The following SDC2 variants were observed in gnomAD, a reference collection of about 807,000 sequenced individuals.
SDC2 encodes the protein syndecan-2.
In SDC2, 13 loss-of-function variants were observed where a neutral mutation model predicts 22.2. The ratio of observed to expected loss-of-function variants is 0.59; its 90% confidence interval spans 0.38 to 0.93. The LOEUF (loss-of-function observed/expected upper bound fraction) is 0.93. SDC2 is among the 40% of genes least tolerant of loss of function. The pLI, the probability that SDC2 is intolerant of heterozygous loss-of-function variation, is 0.00. For missense variants in SDC2, 235 were observed against 246.8 expected (o/e 0.95, Z 0.32); for synonymous variants, 94 against 92.8 (o/e 1.01, Z -0.07).
At chr8:96,522,805 A>G (rs2439523) in intron 1 of SDC2, among the ~76,000 whole-genome samples, 128,132 of 152,246 alleles carry the variant, frequency 0.84, 55,361 homozygotes, top group African/African-American at 0.94. Flanking sequence ...TAAGGTGTAA[A>G]ATAAATCTGG....
intron 1 of SDC2, chr8:96,580,362 A>C (rs1814570075): frequency 1.0e-6 from 1 of 984,924 alleles, no homozygotes; most frequent in Admixed American, 6.1e-5. Flanking sequence ...TTTGTTCCAG[A>C]GCATTTGCCA....
Position 96,535,745 on chromosome 8 carries a change from C to T in SDC2, c.60+41414C>T, listed in dbSNP as rs148591092. On this transcript the variant is annotated intron_variant, in intron 1 of 4. Transcript: ENST00000302190. Reference sequence around the variant, plus strand: ...TTATATCCACATGCTATTCCACCTCCGTTCAAAACTTAGAAAAATATTGTC... The same window carrying T: ...TTATATCCACATGCTATTCCACCTCTGTTCAAAACTTAGAAAAATATTGTC... Among the ~76,000 whole-genome samples the T allele has an allele frequency of 3.9e-5, 6 of 152,288 alleles. No individual in the cohort carries two copies. In the East Asian group the frequency reaches 7.7e-4, roughly 20 times the overall value.
intron 2 of SDC2, among the ~76,000 whole-genome samples, chr8:96,598,460 A>T (rs1371775395): frequency 2.0e-5 from 3 of 152,110 alleles, no homozygotes; most frequent in Non-Finnish European, 4.4e-5. Context: ...TCTAATAAAA[A>T]TACAAAAATC....
intron 1 of SDC2, among the ~76,000 whole-genome samples, chr8:96,531,595 G>A (rs897938157): frequency 6.6e-6 from 1 of 152,128 alleles, no homozygotes; most frequent in East Asian, 1.9e-4. Flanking sequence ...AAATAAAAGA[G>A]AGAAAAGTAA....
At chr8:96,593,662 A>T in intron 2 of SDC2, 71 bp downstream of exon 2, 2 of 994,222 alleles carry the variant, frequency 2.0e-6, no homozygotes, top group Non-Finnish European at 3.2e-6. Context: ...TACTGTGCTT[A>T]CTTCAAGGAG....
At chr8:96,598,865 A>G (rs1436658313) in intron 2 of SDC2, among the ~76,000 whole-genome samples, 4 of 152,096 alleles carry the variant, frequency 2.6e-5, no homozygotes, top group Admixed American at 2.6e-4. Context: ...TGGTTTGAGC[A>G]AAAGAGTTAA....
chr8:96,608,476 T>G lies in SDC2; in HGVS notation c.442+6T>G, dbSNP rs961561399. ...ACGGACAGAAGTCCTAGCAGGTGAG[T>G]AGCCTGGTGGGCCTCAGGTGGGAGG... On this transcript the variant is annotated splice_donor_region_variant and intron_variant, in intron 4 of 4. Transcript: ENST00000302190. The G allele has an allele frequency of 1.6e-5, 26 of 1,608,498 alleles. No homozygotes were observed. The highest frequency in any genetic ancestry group is 2.2e-5 in the Non-Finnish European group (26 of 1,177,412).
At chr8:96,545,914 C>T (rs980148942) in intron 1 of SDC2, among the ~76,000 whole-genome samples, 3 of 152,200 alleles carry the variant, frequency 2.0e-5, no homozygotes, top group Admixed American at 1.3e-4. Flanking sequence ...GATGGGGACA[C>T]TAGAACTCTA....
At chr8:96,580,648 A>G (rs1452920558) in intron 1 of SDC2, 1 of 402,634 alleles carries the variant, frequency 2.5e-6, no homozygotes, top group Non-Finnish European at 3.4e-6. Flanking sequence ...GACAGGGCCC[A>G]AGCAAGAGAC....
At chr8:96,511,559 G>C (rs1218077555) in intron 1 of SDC2, among the ~76,000 whole-genome samples, 1 of 152,220 alleles carries the variant, frequency 6.6e-6, no homozygotes, top group Non-Finnish European at 1.5e-5. Flanking sequence ...AGGTAGAACA[G>C]CTGTTTTGGC....
rs961135812 is a variant in SDC2, at chr8:96,606,001, G to A, written c.307-2334G>A. Among the ~76,000 whole-genome samples, 4 of 152,276 alleles carry A rather than the reference G, an allele frequency of 2.6e-5. No individual in the cohort carries two copies. In the East Asian group the frequency reaches 7.7e-4, roughly 29 times the overall value. ...AGGCCGCCATTTTGGATGAACTCTA[G>A]CCTTCAGAAAGCAATCATTTGCTTT... On this transcript the variant is annotated intron_variant, in intron 3 of 4. Coordinates refer to ENST00000302190, the MANE Select transcript of SDC2 (RefSeq NM_002998.4).
chr8:96,596,282 AC>A (rs938551811), intron 2 of SDC2, among the ~76,000 whole-genome samples: 1 of 152,102 alleles, frequency 6.6e-6, no homozygotes, highest in Non-Finnish European at 1.5e-5. Context: ...TTCTAGAATT[AC>A]CCAGTTCCAG....
intron 1 of SDC2, among the ~76,000 whole-genome samples, chr8:96,540,364 G>T (rs1331782350): frequency 3.0e-5 from 2 of 66,496 alleles, no homozygotes; most frequent in Non-Finnish European, 8.7e-5. Context: ...ATAAAAATTA[G>T]TCGGGTGTGG....
intron 2 of SDC2, among the ~76,000 whole-genome samples, chr8:96,598,940 CTTTTTTT>C (rs567223016): frequency 7.8e-6 from 1 of 127,466 alleles, no homozygotes; most frequent in Non-Finnish European, 1.6e-5. Flanking sequence ...CTGTCTCTAT[CTTTTTTT>C]TTTTTTTTTT....
intron 1 of SDC2, chr8:96,580,620 C>T: frequency 2.8e-6 from 2 of 725,952 alleles, no homozygotes; most frequent in Non-Finnish European, 3.4e-6. Context: ...ACATTGGTCC[C>T]ATCCTCACAG....
chr8:96,529,007 C>T (rs908080854), intron 1 of SDC2, among the ~76,000 whole-genome samples: 1 of 152,220 alleles, frequency 6.6e-6, no homozygotes, highest in Non-Finnish European at 1.5e-5. Flanking sequence ...TGAGATGCCC[C>T]GGCACAGCTG....
chr8:96,536,944 A>G (rs1813764140), intron 1 of SDC2, among the ~76,000 whole-genome samples: 1 of 152,196 alleles, frequency 6.6e-6, no homozygotes, highest in Non-Finnish European at 1.5e-5. Flanking sequence ...CCCATTGAGG[A>G]GTTTTACATC....
At chr8:96,542,207 G>A (rs1230487328) in intron 1 of SDC2, among the ~76,000 whole-genome samples, 1 of 152,182 alleles carries the variant, frequency 6.6e-6, no homozygotes, top group Non-Finnish European at 1.5e-5. Flanking sequence ...GCTTTAACTG[G>A]TTTGTCTTCT....
intron 1 of SDC2, among the ~76,000 whole-genome samples, chr8:96,575,350 C>T (rs941569063): frequency 7.6e-5 from 8 of 105,222 alleles, no homozygotes; most frequent in African/African-American, 2.6e-4. Context: ...CCTGTAATTG[C>T]AAACCTGCGG....
Sources: allele counts gnomAD v4.1 joint callset (sites outside exome capture counted in the v4.1 genomes callset), GRCh38; gene constraint gnomAD v4.1.1; transcripts MANE v1.5; gene names NCBI Gene and HGNC (gene_info 2026-07-23, HGNC 2026-07-21).